The following CAMK2B variants were observed in gnomAD, a reference collection of about 807,000 sequenced individuals.
CAMK2B encodes calcium/calmodulin dependent protein kinase II beta, also known as calcium/calmodulin-dependent protein kinase type II subunit beta.
CAMK2B carries 27 observed loss-of-function variants against 93.7 expected under a neutral mutation model. The ratio of observed to expected loss-of-function variants is 0.29; its 90% CI spans 0.21 to 0.40. CAMK2B has a LOEUF of 0.40. Among genes scored for constraint, CAMK2B ranks in the 10% least tolerant of loss-of-function variants. CAMK2B has a pLI of 1.00. For synonymous variants in CAMK2B, 374 were observed against 358.8 expected, an observed-to-expected ratio of 1.04 and a Z score of -0.48; for missense variants, 568 against 895.8, an observed-to-expected ratio of 0.63 and a Z score of 4.67.
chr7:44,286,789 C>T lies in CAMK2B; in HGVS notation c.66-2564G>A, dbSNP rs1457028849. ...GGGGCAGGGAACACAGGTAAGACTG[C>T]CAGAGCCAGGGGGCCAAGGCCAGGC... is the stretch of plus-strand genomic sequence containing the variant. On this transcript the variant is annotated intron_variant, in intron 1 of 23. Transcript: ENST00000395749. The surrounding 1 kb of genome is among the most constrained non-coding windows in gnomAD (Gnocchi z 4.0). Among the ~76,000 whole-genome samples the T allele has an allele frequency of 6.6e-6, 1 of 152,204 alleles. No homozygotes were observed.
At chr7:44,249,202 C>G (rs1393742889) in intron 5 of CAMK2B, among the ~76,000 whole-genome samples, 3 of 152,216 alleles carry the variant, frequency 2.0e-5, no homozygotes, top group African/African-American at 7.2e-5. Flanking sequence ...GCATCTGTTC[C>G]TTTGAATGGC....
chr7:44,241,679 G>A, intron 11 of CAMK2B, 21 bp downstream of exon 11: 1 of 1,595,892 alleles, frequency 6.3e-7, no homozygotes, highest in Non-Finnish European at 8.6e-7. Context: ...CCGTGCCTGG[G>A]ACTAGGGGCC....
chr7:44,308,201 T>C (rs56256432), intron 1 of CAMK2B, among the ~76,000 whole-genome samples: 6,471 of 152,302 alleles, frequency 0.042, 192 homozygotes, highest in Non-Finnish European at 0.07. Context: ...TCTCTTCTCC[T>C]CTTTGCCCCT....
At chr7:44,275,929 G>A (rs1423563123) in intron 2 of CAMK2B, among the ~76,000 whole-genome samples, 1 of 152,082 alleles carries the variant, frequency 6.6e-6, no homozygotes, top group African/African-American at 2.4e-5. Context: ...GCGTTTCCCA[G>A]GGATTCCCCC....
At chr7:44,284,301 C>G (rs1784489375) in intron 1 of CAMK2B, 76 bp from the exon 2 acceptor site, 1 of 1,018,834 alleles carries the variant, frequency 9.8e-7, no homozygotes, top group African/African-American at 1.6e-5. Flanking sequence ...GATTAATCTC[C>G]CCATAAACAC....
intron 1 of CAMK2B, among the ~76,000 whole-genome samples, chr7:44,317,792 A>G (rs919091873): frequency 6.6e-5 from 10 of 152,172 alleles, no homozygotes; most frequent in Admixed American, 5.2e-4. Context: ...ATGTAGAGAA[A>G]ATGAAGGTAA....
At position 44,311,430 on chromosome 7, in the gene CAMK2B, A is replaced by G. The variant is rs1240778722; in HGVS notation, c.65+13927T>C. 6.6e-6 allele frequency among the ~76,000 whole-genome samples: 1 copy of G among 152,264 alleles called. No homozygotes were observed. The highest frequency in any genetic ancestry group is 1.5e-5 in the Non-Finnish European group (1 of 68,050). ...TCACCATGTGGCAAATCAAATTCTT[A>G]ACCTCTAGTAACAAACAAGAAAAAC... On this transcript the variant is annotated intron_variant, in intron 1 of 23. Transcript: ENST00000395749. This position sits in a 1 kb window ranked among gnomAD's most constrained non-coding sequence, Gnocchi z 4.2.
At chr7:44,229,141 C>A in intron 18 of CAMK2B, 1 of 633,526 alleles carries the variant, frequency 1.6e-6, no homozygotes, top group Non-Finnish European at 2.9e-6. Context: ...GAATTGAGGC[C>A]CGAGCCTCCA....
intron 12 of CAMK2B, among the ~76,000 whole-genome samples, chr7:44,240,036 C>T (rs536388074): frequency 5.9e-5 from 9 of 152,148 alleles, no homozygotes; most frequent in Non-Finnish European, 8.8e-5. Context: ...CAGATGCAAA[C>T]GGACAACGAG....
intron 1 of CAMK2B, among the ~76,000 whole-genome samples, chr7:44,303,630 A>C (rs1239597456): frequency 6.6e-6 from 1 of 152,246 alleles, no homozygotes; most frequent in Non-Finnish European, 1.5e-5. Context: ...TAAATGTAAA[A>C]TGCAAAACTT....
chr7:44,303,885 C>T (rs1269990643), intron 1 of CAMK2B, among the ~76,000 whole-genome samples: 1 of 152,072 alleles, frequency 6.6e-6, no homozygotes, highest in Non-Finnish European at 1.5e-5. Flanking sequence ...ATACAATGAA[C>T]CCTTAAAATT....
chr7:44,277,314 T>G (rs577464097), intron 2 of CAMK2B, among the ~76,000 whole-genome samples: 24 of 152,208 alleles, frequency 1.6e-4, no homozygotes, highest in Non-Finnish European at 3.2e-4. Context: ...TTCAGTACAT[T>G]CACCAACTTT....
At position 44,241,773 on chromosome 7, in the gene CAMK2B, G is replaced by A; in HGVS notation, c.830C>T (p.Thr277Met). The A allele has an allele frequency of 7.4e-6, 12 of 1,613,012 alleles. No homozygotes were observed. Among genetic ancestry groups the A allele is most frequent in the South Asian group, 1.1e-5 (1 of 91,054 alleles). Residue 277 changes from threonine to methionine, a missense_variant, in exon 11 of 24, where the codon ACG becomes ATG. Coordinates refer to ENST00000395749, the MANE Select transcript of CAMK2B (RefSeq NM_001220.5). ...LKHPWVCQRS[T>M]VASMMHRQET... ...CTGTCTGTGCATCATGGATGCTACC[G>A]TGGAGCGTTGCTGTGGGGAAATGGG...
chr7:44,285,884 CG>C (rs1375551261), intron 1 of CAMK2B, among the ~76,000 whole-genome samples: 2 of 26,586 alleles, frequency 7.5e-5, no homozygotes, highest in African/African-American at 1.8e-4. Context: ...GGGGGCGCGG[CG>C]GGGGGGCACG....
At chr7:44,264,595 C>T (rs909675922) in intron 2 of CAMK2B, among the ~76,000 whole-genome samples, 1 of 152,202 alleles carries the variant, frequency 6.6e-6, no homozygotes, top group Non-Finnish European at 1.5e-5. Context: ...TGGAGGGAGT[C>T]AGACCCCATC....
At chr7:44,281,011 G>A (rs147836337) in intron 2 of CAMK2B, among the ~76,000 whole-genome samples, 73 of 152,294 alleles carry the variant, frequency 4.8e-4, no homozygotes, top group African/African-American at 1.7e-3. Context: ...CCTTTGTGCT[G>A]GGTGATACTC....
intron 1 of CAMK2B, among the ~76,000 whole-genome samples, chr7:44,310,046 G>T (rs1424363293): frequency 6.6e-6 from 1 of 152,252 alleles, no homozygotes; most frequent in Non-Finnish European, 1.5e-5. Context: ...CAAGCCACGC[G>T]CGGAACCGCA....
intron 1 of CAMK2B, among the ~76,000 whole-genome samples, chr7:44,285,205 C>T (rs1047593382): frequency 1.3e-5 from 2 of 152,208 alleles, no homozygotes; most frequent in Non-Finnish European, 1.5e-5. Flanking sequence ...CTAGTCACCA[C>T]GGTTGATTTA....
intron 2 of CAMK2B, among the ~76,000 whole-genome samples, chr7:44,277,403 G>A (rs1227578497): frequency 2.0e-5 from 3 of 152,218 alleles, no homozygotes; most frequent in South Asian, 2.1e-4. Flanking sequence ...ACCAGCTGGT[G>A]CAGTTCTGCA....
Sources: allele counts gnomAD v4.1 joint callset (sites outside exome capture counted in the v4.1 genomes callset), GRCh38; gene constraint gnomAD v4.1.1; non-coding constraint Gnocchi (gnomAD v3.1); transcripts MANE v1.5; gene names NCBI Gene and HGNC (gene_info 2026-07-23, HGNC 2026-07-21).